The following NOC2L variants were observed in gnomAD, a reference collection of about 807,000 sequenced individuals.
The protein encoded by NOC2L is nucleolar complex protein 2 homolog.
Under a neutral mutation model 94.2 loss-of-function variants are expected in NOC2L, and 101 were observed. The observed-to-expected ratio is 1.07, with a 90% CI of 0.91 to 1.26. The LOEUF (loss-of-function observed/expected upper bound fraction) is 1.26. Ranked by LOEUF, NOC2L falls within the 50% of genes most tolerant of loss-of-function variation. NOC2L has a pLI of 0.00. For missense variants in NOC2L, 1,076 were observed against 980.1 expected (o/e 1.10, Z -1.31); for synonymous variants, 531 against 413.4 (o/e 1.28, Z -3.45).
intron 16 of NOC2L, 32 bp downstream of exon 16, chr1:946,139 CAA>C (rs1557615268): frequency 1.3e-6 from 2 of 1,485,874 alleles, no homozygotes; most frequent in South Asian, 2.4e-5. Flanking sequence ...CAGGAAGTCA[CAA>C]CACACCCCCA....
intron 2 of NOC2L, 183 bp downstream of exon 2, chr1:958,746 G>C (rs112173167): frequency 1.4e-5 from 10 of 727,322 alleles, no homozygotes; most frequent in Middle Eastern, 2.3e-4. Flanking sequence ...GCCTAGGACA[G>C]AGTTTGGCAC....
intron 6 of NOC2L, chr1:954,329 C>A: frequency 2.0e-6 from 1 of 509,350 alleles, no homozygotes. Flanking sequence ...CCAGGGTTGG[C>A]CACCGCCCTA....
chr1:955,896 AC>A lies in NOC2L; in HGVS notation c.698+26del, dbSNP rs768612206. On this transcript the variant is annotated intron_variant, in intron 6 of 18. Coordinates refer to ENST00000327044, the MANE Select transcript of NOC2L (RefSeq NM_015658.4). ...GTGGTCCCGACCCACCTTCCACCCTACCCCCCTTCACCCCCTCCCCTCTTAC... is the reference window on the plus strand; with the variant it reads ...GTGGTCCCGACCCACCTTCCACCCTACCCCCTTCACCCCCTCCCCTCTTAC... 11 of 1,285,608 alleles carry A rather than the reference AC, an allele frequency of 8.6e-6. No homozygotes were observed. The East Asian group carries it at 1.2e-4, about 14-fold the overall frequency. The allele number at this position is 1,285,608 out of a possible 1,614,324, so 79.6% of individuals were successfully genotyped here.
chr1:949,073 G>A lies in NOC2L; in HGVS notation c.1444-470C>T, dbSNP rs72631891. On this transcript the variant is annotated intron_variant, in intron 12 of 18. Coordinates refer to ENST00000327044, the MANE Select transcript of NOC2L (RefSeq NM_015658.4). Reference sequence around the variant, plus strand: ...CAGCAAAGAGTGCCAGACACAGGACGGGACAGATGGAGGTCACGGGAGGCC... The same window carrying A: ...CAGCAAAGAGTGCCAGACACAGGACAGGACAGATGGAGGTCACGGGAGGCC... Among the ~76,000 whole-genome samples the A allele has an allele frequency of 4.1e-3, 601 of 146,598 alleles. 1 individual carries two copies. Among genetic ancestry groups the A allele is most frequent in the Non-Finnish European group, 7.4e-3 (493 of 66,184 alleles).
Position 957,192 on chromosome 1 carries a change from C to A in NOC2L, c.261G>T (p.Leu87=). Residue 87 remains leucine, a synonymous_variant, in exon 3 of 19, where the codon CTG becomes CTT. Coordinates refer to ENST00000327044, the MANE Select transcript of NOC2L (RefSeq NM_015658.4). The part of the protein sequence containing the change: ...KDRDPEFYKF[L]QENDQSLLNF... Reference sequence around the variant, plus strand: ...TTAGCAGGCTCTGGTCATTCTCCTGCAGGAACTTGTAGAACTCGGGGTCTC... The same window carrying A: ...TTAGCAGGCTCTGGTCATTCTCCTGAAGGAACTTGTAGAACTCGGGGTCTC... 6.2e-7 allele frequency: 1 copy of A among 1,614,046 alleles called. No homozygotes were observed. Among genetic ancestry groups the A allele is most frequent in the Admixed American group, 1.7e-5 (1 of 60,030 alleles).
At chr1:949,986 G>A (rs199909615) in intron 12 of NOC2L, among the ~76,000 whole-genome samples, 7 of 152,140 alleles carry the variant, frequency 4.6e-5, no homozygotes, top group Admixed American at 2.0e-4. Context: ...AATTTACAGC[G>A]GGGTGGGGCC....
At chr1:958,552 C>G in intron 2 of NOC2L, 1 of 427,704 alleles carries the variant, frequency 2.3e-6, no homozygotes, top group Non-Finnish European at 4.6e-6. Flanking sequence ...GCACAGCCTC[C>G]GCTCCTTCTA....
intron 12 of NOC2L, among the ~76,000 whole-genome samples, chr1:948,937 T>A (rs1642185911): frequency 6.6e-6 from 1 of 151,554 alleles, no homozygotes; most frequent in Admixed American, 6.6e-5. Flanking sequence ...CCACACAGAG[T>A]ACCAGGACAG....
At chr1:945,732 C>G in intron 16 of NOC2L, 79 bp from the exon 17 acceptor site, 2 of 1,589,348 alleles carry the variant, frequency 1.3e-6, no homozygotes, top group South Asian at 2.2e-5. Flanking sequence ...CATCGCCAGA[C>G]CCACCACCAG....
intron 2 of NOC2L, 53 bp downstream of exon 2, chr1:958,876 C>A (rs1642497227): frequency 6.2e-7 from 1 of 1,608,190 alleles, no homozygotes; most frequent in Non-Finnish European, 8.5e-7. Flanking sequence ...AGCAACCCAA[C>A]CGGGGTGGGA....
At chr1:945,381 C>T (rs1224535244) in intron 17 of NOC2L, 137 bp downstream of exon 17, 1 of 1,131,772 alleles carries the variant, frequency 8.8e-7, no homozygotes, top group East Asian at 2.5e-5. Flanking sequence ...AGCCTGGCAA[C>T]ACTGAGGTTG....
At chr1:948,110 C>G in intron 14 of NOC2L, 21 bp downstream of exon 14, 1 of 1,549,448 alleles carries the variant, frequency 6.5e-7, no homozygotes, top group Non-Finnish European at 8.8e-7. Context: ...GGCCACGAGC[C>G]GGTGTGGGCA....
rs1425714425 is a variant in NOC2L at position 952,563 on chromosome 1, G to T, written c.1040C>A (p.Thr347Asn). Residue 347 changes from threonine (T) to asparagine (N), a missense_variant, in exon 10 of 19, where the codon ACC becomes AAC. This residue lies in a region of NOC2L where 615 missense variants were observed against 577.4 expected (regional missense o/e 1.07). Coordinates refer to ENST00000327044, the MANE Select transcript of NOC2L (RefSeq NM_015658.4). ...GATGAAGGGGAGGGCACCAGGCGAG[G>T]TGAACTTGCAGTTCCTCACATACGT... ...YITYVRNCKF[T>N]SPGALPFISF... The T allele has an allele frequency of 1.2e-6, 2 of 1,613,776 alleles. No individual in the cohort carries two copies. The highest frequency in any genetic ancestry group is 1.3e-5 in the African/African-American group (1 of 74,926).
At position 944,636 on chromosome 1, in the gene NOC2L, A is replaced by AGGT; in HGVS notation, c.*55_*57dup. 1 of 1,060,350 alleles carries AGGT rather than the reference A, an allele frequency of 9.4e-7. No individual in the cohort carries two copies. Among genetic ancestry groups the AGGT allele is most frequent in the East Asian group, 2.5e-5 (1 of 39,816 alleles). 65.7% of individuals were successfully genotyped at this position (1,060,350 alleles called of 1,614,324 possible). ...CAGCCTCTAGGCCTGACTGCCAGGG[A>AGGT]GGTGGAAACACTGGCCACCAGCCCG... On this transcript the variant is annotated 3_prime_UTR_variant, in exon 19 of 19. Transcript: ENST00000327044.
intron 8 of NOC2L, 92 bp from the exon 9 acceptor site, chr1:953,380 T>C (rs1265601447): frequency 1.2e-5 from 9 of 743,336 alleles, no homozygotes; most frequent in Non-Finnish European, 1.6e-5. Context: ...AGGCAAAGGC[T>C]CCCATGGCCA....
At position 959,252 on chromosome 1, in the gene NOC2L, G is replaced by A. The variant is rs1350773099; in HGVS notation, c.-12C>T. On this transcript the variant is annotated 5_prime_UTR_variant, in exon 1 of 19. Coordinates refer to ENST00000327044, the MANE Select transcript of NOC2L (RefSeq NM_015658.4). ...CCCGCAGCTGCCATGACACCAACCC[G>A]AAGCGTGCACCCCACTTCCGGCCCC... 1.9e-6 allele frequency: 3 copies of A among 1,603,120 alleles called. No individual in the cohort carries two copies. Among genetic ancestry groups the A allele is most frequent in the Non-Finnish European group, 1.7e-6 (2 of 1,175,640 alleles).
At chr1:945,033 C>T (rs766738375) in intron 18 of NOC2L, 24 bp downstream of exon 18, 3 of 1,613,782 alleles carry the variant, frequency 1.9e-6, no homozygotes, top group African/African-American at 2.7e-5. Context: ...CAGGGCCACA[C>T]CCTCTCACCC....
rs373841566 is a variant in NOC2L at position 950,930 on chromosome 1, C to T, written c.1443+197G>A. 4.0e-4 allele frequency among the ~76,000 whole-genome samples: 61 copies of T among 152,330 alleles called. No homozygotes were observed. The East Asian group carries it at 0.012, about 29-fold the overall frequency. ...TCAAGCACAGCCCTAGCAGCAGCCG[C>T]CTTCATCCCCAGTGGTCCCACGTTC... is the stretch of plus-strand genomic sequence containing the variant. On this transcript the variant is annotated intron_variant, in intron 12 of 18. Coordinates refer to ENST00000327044, the MANE Select transcript of NOC2L (RefSeq NM_015658.4).
chr1:953,528 TCA>T (rs1642314934), intron 8 of NOC2L, among the ~76,000 whole-genome samples: 1 of 152,206 alleles, frequency 6.6e-6, no homozygotes, highest in African/African-American at 2.4e-5. Context: ...GTATGTGAGA[TCA>T]CACCGGGAAG....
Sources: gnomAD v4.1 joint callset for allele counts (sites outside exome capture counted in the v4.1 genomes callset) on GRCh38, gnomAD v4.1.1 for gene constraint, gnomAD v4.1.1 regional missense constraint, MANE v1.5 for transcripts, NCBI Gene and HGNC (gene_info 2026-07-23, HGNC 2026-07-21) for gene names.